The following ADGRG5 variants were observed in gnomAD, a reference collection of about 807,000 sequenced individuals.
ADGRG5 encodes adhesion G protein-coupled receptor G5.
In ADGRG5, 37 loss-of-function variants were observed where a neutral mutation model predicts 53.2. That is an observed-to-expected ratio of 0.70 (90% confidence interval 0.53 to 0.91). The LOEUF (loss-of-function observed/expected upper bound fraction) is 0.91, where lower values mean the gene tolerates loss of function less well. Among genes scored for constraint, ADGRG5 ranks in the 40% least tolerant of loss-of-function variants. The probability of loss-of-function intolerance (pLI) is 0.00; values close to 1 mark genes in which losing one functional copy is unlikely to be tolerated. For synonymous variants in ADGRG5, 277 were observed against 290.4 expected (o/e 0.95, Z 0.47); for missense variants, 614 against 675.8 (o/e 0.91, Z 1.01).
intron 5 of ADGRG5, among the ~76,000 whole-genome samples, 164 bp from the exon 6 acceptor site, chr16:57,564,870 G>GCTGGGAGT (rs1354982486): frequency 6.6e-6 from 1 of 152,010 alleles, no homozygotes; most frequent in African/African-American, 2.4e-5. Flanking sequence ...ACATGCAAAG[G>GCTGGGAGT]CTGGGAGGCT....
intron 1 of ADGRG5, among the ~76,000 whole-genome samples, chr16:57,554,153 T>C (rs1380083299): frequency 6.6e-6 from 1 of 152,140 alleles, no homozygotes; most frequent in Non-Finnish European, 1.5e-5. Context: ...TTTATTGCCA[T>C]AAATTGTTAA....
At chr16:57,531,700 C>T in the ADGRG5 span, among the ~76,000 whole-genome samples, 1 of 152,198 alleles carries the variant, frequency 6.6e-6, no homozygotes, top group Non-Finnish European at 1.5e-5. Flanking sequence ...CCACTGATCC[C>T]ACCACTGCAC....
chr16:57,552,459 T>A (rs2032778057), intron 1 of ADGRG5, among the ~76,000 whole-genome samples: 1 of 152,244 alleles, frequency 6.6e-6, no homozygotes, highest in Admixed American at 6.5e-5. Flanking sequence ...TGTACTGCTA[T>A]GTCATGGAGA....
intron 1 of ADGRG5, among the ~76,000 whole-genome samples, chr16:57,557,208 C>T (rs1190816794): frequency 6.6e-6 from 1 of 152,168 alleles, no homozygotes; most frequent in East Asian, 1.9e-4. Flanking sequence ...CTGCACCCGA[C>T]CTTGTCTTCG....
At chr16:57,534,417 A>G in the ADGRG5 span, among the ~76,000 whole-genome samples, 1 of 152,230 alleles carries the variant, frequency 6.6e-6, no homozygotes. Context: ...AAAGTGACCC[A>G]GTGGTTCCTG....
rs1164180873 is a variant in ADGRG5 at position 57,577,088 on chromosome 16, G to A, written c.*1550G>A. 5.9e-5 allele frequency: 9 copies of A among 152,212 alleles called. No homozygotes were observed. Among genetic ancestry groups the A allele is most frequent in the Non-Finnish European group, 1.3e-4 (9 of 68,056 alleles). 9.4% of individuals were successfully genotyped at this position (152,212 alleles called of 1,614,324 possible). ...AACCACTCAGCCTCTGTGTGCCTCA[G>A]TTTTCCTATTTGTAAAATAGAGGCC... On this transcript the variant is annotated 3_prime_UTR_variant, in exon 12 of 12. Transcript: ENST00000349457.
At chr16:57,533,905 G>A in the ADGRG5 span, among the ~76,000 whole-genome samples, 1 of 152,162 alleles carries the variant, frequency 6.6e-6, no homozygotes, top group Non-Finnish European at 1.5e-5. Context: ...TATGTGCGTG[G>A]GGCGTGGCCT....
intron 10 of ADGRG5, among the ~76,000 whole-genome samples, chr16:57,571,663 T>TTC (rs1205684699): frequency 2.0e-5 from 3 of 150,364 alleles, no homozygotes; most frequent in African/African-American, 2.4e-5. Context: ...TTTCTTTTTT[T>TTC]TTTTTTTTTG....
chr16:57,533,547 C>G, the ADGRG5 span, among the ~76,000 whole-genome samples: 1 of 151,082 alleles, frequency 6.6e-6, no homozygotes, highest in Non-Finnish European at 1.5e-5. Context: ...CACACACACA[C>G]CCCCAGGGAC....
In ADGRG5 at chr16:57,574,611, T is replaced by G. The variant is rs2044350475; in HGVS notation, c.1209-204T>G. ...GCTGGAAAGGTGGGCATGAGGGAGC[T>G]TCAGATTGTTGACCAAGGAGGCAGA... On this transcript the variant is annotated intron_variant, in intron 10 of 11. Transcript: ENST00000349457. This position sits in a 1 kb window ranked among gnomAD's most constrained non-coding sequence, Gnocchi z 4.4. 1.3e-5 allele frequency among the ~76,000 whole-genome samples: 2 copies of G among 152,132 alleles called. No individual in the cohort carries two copies. The highest frequency in any genetic ancestry group is 2.9e-5 in the Non-Finnish European group (2 of 68,018).
chr16:57,538,779 C>T (rs755491341), upstream of ADGRG5, among the ~76,000 whole-genome samples: 2 of 152,194 alleles, frequency 1.3e-5, no homozygotes, highest in Non-Finnish European at 2.9e-5. Flanking sequence ...TCCTGTATTA[C>T]TGCCACCACT....
At chr16:57,554,206 T>G (rs2032820968) in intron 1 of ADGRG5, among the ~76,000 whole-genome samples, 1 of 152,140 alleles carries the variant, frequency 6.6e-6, no homozygotes, top group African/African-American at 2.4e-5. Context: ...TCTGTAGTGA[T>G]AGCCCCTCTT....
the ADGRG5 span, among the ~76,000 whole-genome samples, chr16:57,531,030 T>A: frequency 1.3e-5 from 2 of 151,792 alleles, no homozygotes; most frequent in Non-Finnish European, 2.9e-5. Flanking sequence ...CCCCTGGGCT[T>A]ATCCCTCGAA....
chr16:57,535,411 G>T, the ADGRG5 span, among the ~76,000 whole-genome samples: 1 of 152,266 alleles, frequency 6.6e-6, no homozygotes, highest in South Asian at 2.1e-4. Flanking sequence ...ACCAACTGAG[G>T]CCCAGAGGGA....
intron 10 of ADGRG5, among the ~76,000 whole-genome samples, chr16:57,573,250 G>A (rs916841948): frequency 1.3e-4 from 19 of 151,872 alleles, no homozygotes; most frequent in Admixed American, 9.8e-4. Flanking sequence ...TGGACAACAC[G>A]GTGAAACCCT....
rs373284862 is a variant in ADGRG5, at chr16:57,574,922, G to T, written c.1316G>T (p.Arg439Leu). 6.2e-7 allele frequency: 1 copy of T among 1,613,016 alleles called. No individual in the cohort carries two copies. Among genetic ancestry groups the T allele is most frequent in the African/African-American group, 1.3e-5 (1 of 74,934 alleles). Residue 439 changes from arginine (R) to leucine (L), a missense_variant, in exon 11 of 12, where the codon CGC (arginine) becomes CTC (leucine). Arg to Leu is a moderately radical substitution (Grantham distance 102). Coordinates refer to ENST00000349457, the MANE Select transcript of ADGRG5 (RefSeq NM_001304376.3). This position sits in a 1 kb window ranked among gnomAD's most constrained non-coding sequence, Gnocchi z 4.4. ...VVLAWALWTL[R>L]RLRERADAPS... ...CTGGCCTGGGCGCTGTGGACCCTGC[G>T]CAGGCTGCGGGAGCGGGCGGATGCA...
chr16:57,532,301 A>C, the ADGRG5 span, among the ~76,000 whole-genome samples: 1 of 152,088 alleles, frequency 6.6e-6, no homozygotes, highest in South Asian at 2.1e-4. Flanking sequence ...CAACATGTAC[A>C]CCCCGACCCT....
intron 6 of ADGRG5, 118 bp from the exon 7 acceptor site, chr16:57,566,481 G>A: frequency 5.4e-6 from 5 of 920,062 alleles, no homozygotes; most frequent in Non-Finnish European, 7.6e-6. Flanking sequence ...AGGCCAGCCA[G>A]TGCCTGGTAA....
chr16:57,534,404 C>T, the ADGRG5 span, among the ~76,000 whole-genome samples: 3 of 152,356 alleles, frequency 2.0e-5, no homozygotes, highest in Middle Eastern at 3.4e-3. Context: ...GCCCTGCCCA[C>T]AGAAAGTGAC....
Sources: allele counts gnomAD v4.1 joint callset (sites outside exome capture counted in the v4.1 genomes callset), GRCh38; gene constraint gnomAD v4.1.1; non-coding constraint Gnocchi (gnomAD v3.1); transcripts MANE v1.5; gene names NCBI Gene and HGNC (gene_info 2026-07-23, HGNC 2026-07-21).